Variants in DPYD observed in about 807,000 individuals in gnomAD.
DPYD encodes the protein dihydropyrimidine dehydrogenase, also known as dihydropyrimidine dehydrogenase [NADP(+)].
In DPYD, 109 loss-of-function variants were observed where a neutral mutation model predicts 116.2. That is an observed-to-expected ratio of 0.94 (90% CI 0.80 to 1.10). The LOEUF (loss-of-function observed/expected upper bound fraction) is 1.10, where lower values mean the gene tolerates loss of function less well. DPYD is among the 50% of genes least tolerant of loss of function. The pLI is 0.00. For missense variants in DPYD, 1,302 were observed against 1,254.5 expected, an observed-to-expected ratio of 1.04 and a Z score of -0.57; for synonymous variants, 440 against 432.0, an observed-to-expected ratio of 1.02 and a Z score of -0.23.
chr1:97,185,588 G>A (rs1657939391), intron 20 of DPYD, among the ~76,000 whole-genome samples: 2 of 152,054 alleles, frequency 1.3e-5, no homozygotes, highest in Non-Finnish European at 2.9e-5. Context: ...ATACAACTTA[G>A]AGTAAATAAA....
chr1:97,594,225 G>T (rs1654721463), intron 9 of DPYD, among the ~76,000 whole-genome samples: 1 of 152,082 alleles, frequency 6.6e-6, no homozygotes, highest in South Asian at 2.1e-4. Context: ...CATTTTGCTT[G>T]GAAGATTTTG....
intron 8 of DPYD, among the ~76,000 whole-genome samples, chr1:97,598,162 A>T (rs1655005973): frequency 6.6e-6 from 1 of 152,200 alleles, no homozygotes; most frequent in Non-Finnish European, 1.5e-5. Flanking sequence ...AAATAAAAAT[A>T]AAGTATTAAA....
chr1:97,529,361 T>C (rs1033872300), intron 12 of DPYD, among the ~76,000 whole-genome samples: 1 of 152,160 alleles, frequency 6.6e-6, no homozygotes, highest in African/African-American at 2.4e-5. Context: ...ATCTTTTCTT[T>C]CTTTTTTAAA....
chr1:97,633,360 CCCTGAAAGCCTGGG>C (rs1258232602), intron 8 of DPYD, among the ~76,000 whole-genome samples: 1 of 152,068 alleles, frequency 6.6e-6, no homozygotes, highest in East Asian at 1.9e-4. Flanking sequence ...ACCAGGTTTT[CCCTGAAAGCCTGGG>C]CCTAGGGTAG....
chr1:97,118,724 C>T (rs1431009325), intron 20 of DPYD, among the ~76,000 whole-genome samples: 4 of 152,098 alleles, frequency 2.6e-5, no homozygotes, highest in African/African-American at 9.7e-5. Context: ...ACCAAATTTC[C>T]CTTTTACTGT....
intron 16 of DPYD, among the ~76,000 whole-genome samples, chr1:97,359,625 A>G (rs2101406757): frequency 1.3e-5 from 2 of 152,348 alleles, no homozygotes; most frequent in African/African-American, 4.8e-5. Flanking sequence ...CAGAAACTCT[A>G]CAAGCCAGAA....
chr1:97,258,611 T>C (rs1460244124), intron 18 of DPYD, among the ~76,000 whole-genome samples: 1 of 152,168 alleles, frequency 6.6e-6, no homozygotes, highest in African/African-American at 2.4e-5. Context: ...CTTCAGGCTT[T>C]GCTTTTGTAA....
intron 20 of DPYD, among the ~76,000 whole-genome samples, chr1:97,103,877 A>G (rs1650936362): frequency 6.6e-6 from 1 of 152,122 alleles, no homozygotes; most frequent in Non-Finnish European, 1.5e-5. Context: ...ATAAGCCTTA[A>G]CTGCTTCTAT....
chr1:97,251,484 T>C (rs1478070481), intron 18 of DPYD, among the ~76,000 whole-genome samples: 1 of 151,306 alleles, frequency 6.6e-6, no homozygotes, highest in African/African-American at 2.4e-5. Context: ...AAGATCATCA[T>C]CTACAGTACA....
chr1:97,231,530 C>T lies in DPYD; in HGVS notation c.2442+3322G>A, dbSNP rs1661587338. 3.9e-5 allele frequency among the ~76,000 whole-genome samples: 6 copies of T among 152,072 alleles called. No homozygotes were observed. The South Asian group carries it at 1.2e-3, about 32-fold the overall frequency. ...AGGGGAACTCCCCTTTATAAAACCA[C>T]CAGATCTAGTGAGACTTACTCACTG... On this transcript the variant is annotated intron_variant, in intron 19 of 22. Coordinates refer to ENST00000370192, the MANE Select transcript of DPYD (RefSeq NM_000110.4).
chr1:97,190,399 T>G (rs1318213966), intron 20 of DPYD, among the ~76,000 whole-genome samples: 3 of 152,182 alleles, frequency 2.0e-5, no homozygotes, highest in African/African-American at 7.2e-5. Flanking sequence ...GATGTTAAAA[T>G]GCAGATTCTC....
chr1:97,772,567 T>C (rs576662626), intron 3 of DPYD, among the ~76,000 whole-genome samples: 1 of 152,188 alleles, frequency 6.6e-6, no homozygotes, highest in Non-Finnish European at 1.5e-5. Flanking sequence ...ACAGATGCAT[T>C]GTTTGTGTGT....
intron 13 of DPYD, among the ~76,000 whole-genome samples, chr1:97,475,810 TTTGGCCTAATCC>T (rs1677928910): frequency 6.6e-6 from 1 of 152,136 alleles, no homozygotes; most frequent in South Asian, 2.1e-4. Flanking sequence ...AGACTTGACT[TTTGGCCTAATCC>T]TCCTTGGCCT....
chr1:97,206,514 C>G (rs1659610197), intron 19 of DPYD, among the ~76,000 whole-genome samples: 1 of 150,714 alleles, frequency 6.6e-6, no homozygotes, highest in Admixed American at 6.6e-5. Context: ...AATGGCAGAA[C>G]AAAGATTAAA....
intron 16 of DPYD, among the ~76,000 whole-genome samples, chr1:97,370,976 C>A (rs185934795): frequency 6.6e-6 from 1 of 152,080 alleles, no homozygotes; most frequent in African/African-American, 2.4e-5. Context: ...AAATATGGAA[C>A]CCATAATGTT....
At chr1:97,637,615 A>T (rs1657646514) in intron 8 of DPYD, among the ~76,000 whole-genome samples, 2 of 152,088 alleles carry the variant, frequency 1.3e-5, no homozygotes, top group Admixed American at 1.3e-4. Flanking sequence ...GCTCCAAGAC[A>T]AACAAGAAAG....
At chr1:97,298,979 C>A (rs1367170380) in intron 18 of DPYD, among the ~76,000 whole-genome samples, 1 of 152,050 alleles carries the variant, frequency 6.6e-6, no homozygotes, top group Admixed American at 6.6e-5. Flanking sequence ...TAACATAAAA[C>A]TGAAATCTTG....
intron 14 of DPYD, among the ~76,000 whole-genome samples, chr1:97,397,678 T>C (rs894754648): frequency 6.6e-6 from 1 of 152,106 alleles, no homozygotes; most frequent in African/African-American, 2.4e-5. Context: ...GCTTCCTCCA[T>C]GTTTTCATGG....
At position 97,134,005 on chromosome 1, in the gene DPYD, AAAAAAAAAAATATATATATATAT is replaced by A. The variant is rs1422877430; in HGVS notation, c.2623-35396_2623-35374del. Among the ~76,000 whole-genome samples the A allele has an allele frequency of 3.5e-3, 120 of 34,012 alleles. 6 individuals are homozygous for A. The highest frequency in any genetic ancestry group is 5.4e-3 in the Admixed American group (12 of 2,218). The allele number at this position is 34,012 out of a possible 152,430, so 22.3% of individuals were successfully genotyped here. A position where few individuals can be genotyped will look rare whatever the true frequency, so the allele number is the denominator to read the frequency against. Reference sequence around the variant, plus strand: ...CAGAGCCAGACTCTGTTTCAAAAAAAAAAAAAAAAATATATATATATATATATATATATATATATATATATATA... The same window carrying A: ...CAGAGCCAGACTCTGTTTCAAAAAAAATATATATATATATATATATATATA... On this transcript the variant is annotated intron_variant, in intron 20 of 22. Coordinates refer to ENST00000370192, the MANE Select transcript of DPYD (RefSeq NM_000110.4).
Sources: gnomAD v4.1 joint callset for allele counts (sites outside exome capture counted in the v4.1 genomes callset) on GRCh38, gnomAD v4.1.1 for gene constraint, MANE v1.5 for transcripts, NCBI Gene and HGNC (gene_info 2026-07-23, HGNC 2026-07-21) for gene names.